SLC2A1: variants seen among roughly 807,000 people sequenced by gnomAD.
SLC2A1 encodes the protein solute carrier family 2, facilitated glucose transporter member 1.
Under a neutral mutation model 46.6 loss-of-function variants are expected in SLC2A1, and 4 were observed. The ratio of observed to expected loss-of-function variants is 0.09; its 90% CI spans 0.04 to 0.20. The LOEUF is 0.20. SLC2A1 is among the 10% of genes least tolerant of loss of function. The pLI is 1.00. For missense variants in SLC2A1, 352 were observed against 667.0 expected (o/e 0.53, Z 5.20); for synonymous variants, 253 against 270.0 (o/e 0.94, Z 0.62).
rs1570609004 is a variant in SLC2A1, at chr1:42,955,790, G to GCGTGCTGCCCAGGAGAGAT, written c.18+2825_18+2843dup. On this transcript the variant is annotated intron_variant, in intron 1 of 9. Coordinates refer to ENST00000426263, the MANE Select transcript of SLC2A1 (RefSeq NM_006516.4). ...GACATCTGGGGCAGGGCTCACCCTT[G>GCGTGCTGCCCAGGAGAGAT]CGTGCTGCCCAGGAGAGATCGTGGG... Among the ~76,000 whole-genome samples the GCGTGCTGCCCAGGAGAGAT allele has an allele frequency of 2.6e-5, 4 of 152,312 alleles. No individual in the cohort carries two copies. The South Asian group carries it at 6.2e-4, about 24-fold the overall frequency.
Position 42,930,582 on chromosome 1 carries a change from T to G in SLC2A1, c.516+44A>C. 1.9e-6 allele frequency: 3 copies of G among 1,610,792 alleles called. No individual in the cohort carries two copies. Among genetic ancestry groups the G allele is most frequent in the Non-Finnish European group, 2.5e-6 (3 of 1,178,734 alleles). On this transcript the variant is annotated intron_variant, in intron 4 of 9. Transcript: ENST00000426263. The surrounding 1 kb of genome is among the most constrained non-coding windows in gnomAD (Gnocchi z 6.2). Reference sequence around the variant, plus strand: ...ACAGATCCGAGAGCCACTGAAGCTGTGGGCAGGGGCCGTGCCAGGCAGGTA... The same window carrying G: ...ACAGATCCGAGAGCCACTGAAGCTGGGGGCAGGGGCCGTGCCAGGCAGGTA...
At chr1:42,951,138 T>C (rs1027335647) in intron 1 of SLC2A1, among the ~76,000 whole-genome samples, 5 of 152,238 alleles carry the variant, frequency 3.3e-5, no homozygotes, top group Admixed American at 3.3e-4. Flanking sequence ...TCCCTGCCTA[T>C]GGAACTTGAT....
intron 1 of SLC2A1, among the ~76,000 whole-genome samples, chr1:42,953,646 A>G (rs551798103): frequency 6.6e-6 from 1 of 152,224 alleles, no homozygotes; most frequent in South Asian, 2.1e-4. Context: ...AGGCCTCCCC[A>G]GCTTTGCCAG....
chr1:42,937,192 C>T (rs558236707), intron 2 of SLC2A1, among the ~76,000 whole-genome samples: 3 of 152,328 alleles, frequency 2.0e-5, no homozygotes, highest in South Asian at 4.1e-4. Context: ...TGTAAGGTAC[C>T]GTGTGCTCCC....
At chr1:42,956,407 CAAAAA>C (rs71577684) in intron 1 of SLC2A1, among the ~76,000 whole-genome samples, 6,902 of 44,054 alleles carry the variant, frequency 0.16, 158 homozygotes, top group Admixed American at 0.26. Flanking sequence ...ACTAAAACTA[CAAAAA>C]AAAAAAAAAA....
chr1:42,933,315 T>C lies in SLC2A1; in HGVS notation c.115-2109A>G, dbSNP rs539233782. On this transcript the variant is annotated intron_variant, in intron 2 of 9. Transcript: ENST00000426263. ...ACACCTTTGCACTCACTACACACCA[T>C]CTCCCACCCCTCTACGCCTTTGAGA... 2.6e-5 allele frequency among the ~76,000 whole-genome samples: 4 copies of C among 152,166 alleles called. No homozygotes were observed. The East Asian group carries it at 7.7e-4, about 29-fold the overall frequency.
chr1:42,957,058 C>T (rs1643784005), intron 1 of SLC2A1, among the ~76,000 whole-genome samples: 1 of 152,162 alleles, frequency 6.6e-6, no homozygotes, highest in Non-Finnish European at 1.5e-5. Flanking sequence ...AAATAAATAC[C>T]CATGTCTGGC....
chr1:42,947,982 A>G (rs710222), intron 1 of SLC2A1, among the ~76,000 whole-genome samples: 67,460 of 151,978 alleles, frequency 0.44, 15,247 homozygotes, highest in South Asian at 0.5. Flanking sequence ...CAGGGCTGTC[A>G]AGGAAGGACC....
rs1557644622 is a variant in SLC2A1 at position 42,926,926 on chromosome 1, C to T, written c.*115G>A. On this transcript the variant is annotated 3_prime_UTR_variant, in exon 10 of 10. Transcript: ENST00000426263. ...ATCATTGCTGGCTGGAGAAAGGAGC[C>T]CCAGGCCCGGCTCGGCTGACATCTG... The T allele has an allele frequency of 6.5e-7, 1 of 1,535,022 alleles. No homozygotes were observed. Among genetic ancestry groups the T allele is most frequent in the East Asian group, 2.3e-5 (1 of 44,132 alleles).
intron 1 of SLC2A1, among the ~76,000 whole-genome samples, chr1:42,945,744 A>AG (rs1643647782): frequency 9.3e-6 from 1 of 107,522 alleles, no homozygotes; most frequent in African/African-American, 7.2e-5. Flanking sequence ...GTCTCAAAAA[A>AG]AAAAAAAAAC....
intron 2 of SLC2A1, among the ~76,000 whole-genome samples, chr1:42,941,993 T>C (rs1643603522): frequency 6.6e-6 from 1 of 152,256 alleles, no homozygotes; most frequent in Non-Finnish European, 1.5e-5. Flanking sequence ...ATAGCCACTG[T>C]CTGCCTATTT....
intron 8 of SLC2A1, 94 bp downstream of exon 8, chr1:42,928,838 G>A: frequency 2.7e-6 from 3 of 1,126,170 alleles, no homozygotes; most frequent in Non-Finnish European, 4.0e-6. Context: ...GCCACCAAAA[G>A]GCCTGCCAGC....
intron 1 of SLC2A1, among the ~76,000 whole-genome samples, chr1:42,947,981 C>T (rs1017621016): frequency 1.1e-4 from 16 of 152,152 alleles, no homozygotes; most frequent in African/African-American, 3.6e-4. Flanking sequence ...ACAGGGCTGT[C>T]AAGGAAGGAC....
rs1643808888 is a variant in SLC2A1, at chr1:42,958,707, T to A, written c.-56A>T. On this transcript the variant is annotated 5_prime_UTR_variant, in exon 1 of 10. Transcript: ENST00000426263. The stretch of plus-strand genomic sequence containing the variant: ...CCGGGTACGCGGGTGGCGACGGGCG[T>A]GCGAGCGGCGCTCTCCCGCTCAGGC... The A allele has an allele frequency of 1.3e-6, 2 of 1,522,424 alleles. No individual in the cohort carries two copies. The highest frequency in any genetic ancestry group is 2.4e-5 in the South Asian group (2 of 83,110). 94.3% of individuals were successfully genotyped at this position (1,522,424 alleles called of 1,614,324 possible).
At chr1:42,940,905 C>T (rs759255181) in intron 2 of SLC2A1, among the ~76,000 whole-genome samples, 2 of 152,172 alleles carry the variant, frequency 1.3e-5, no homozygotes, top group South Asian at 2.1e-4. Flanking sequence ...TGTCACCCCA[C>T]GCCTCCATTC....
intron 2 of SLC2A1, among the ~76,000 whole-genome samples, chr1:42,939,885 G>A (rs746109428): frequency 3.3e-5 from 5 of 151,040 alleles, no homozygotes; most frequent in African/African-American, 7.3e-5. Context: ...CCCAGGAAGC[G>A]GAGGTTGCAG....
intron 1 of SLC2A1, among the ~76,000 whole-genome samples, chr1:42,956,477 C>A (rs61777738): frequency 6.7e-6 from 1 of 149,710 alleles, no homozygotes; most frequent in Non-Finnish European, 1.5e-5. Context: ...TCCAGCTACT[C>A]GGGAGGCTGA....
intron 1 of SLC2A1, 40 bp from the exon 2 acceptor site, chr1:42,943,361 G>A (rs1256354230): frequency 6.7e-7 from 1 of 1,493,804 alleles, no homozygotes; most frequent in Non-Finnish European, 9.3e-7. Flanking sequence ...GCGTGTCTGG[G>A]AGCAGGTTAC....
In SLC2A1 at chr1:42,939,952, C is replaced by CA. The variant is rs33944767; in HGVS notation, c.114+3273dup. ...TGGGCAGCAGAGCAAGACTCCGTCT[C>CA]AAAAAAAAAAAAAAAAAAAAAGGTA... On this transcript the variant is annotated intron_variant, in intron 2 of 9. Transcript: ENST00000426263. 1.4e-3 allele frequency among the ~76,000 whole-genome samples: 128 copies of CA among 91,584 alleles called. 1 individual carries two copies. Among genetic ancestry groups the CA allele is most frequent in the Admixed American group, 3.0e-3 (24 of 8,096 alleles). 60.1% of individuals were successfully genotyped at this position (91,584 alleles called of 152,430 possible).
Sources: allele counts gnomAD v4.1 joint callset (sites outside exome capture counted in the v4.1 genomes callset), GRCh38; gene constraint gnomAD v4.1.1; non-coding constraint Gnocchi (gnomAD v3.1); transcripts MANE v1.5; gene names NCBI Gene and HGNC (gene_info 2026-07-23, HGNC 2026-07-21).